Variants in SEMA3C observed in about 807,000 individuals in gnomAD.
SEMA3C encodes the protein semaphorin 3C, also known as semaphorin-3C.
Under a neutral mutation model 89.4 loss-of-function variants are expected in SEMA3C, and 47 were observed. That is an observed-to-expected ratio of 0.53 (90% CI 0.42 to 0.67). The LOEUF is 0.67. Among genes scored for constraint, SEMA3C ranks in the 30% least tolerant of loss-of-function variants. SEMA3C has a pLI of 0.00. For synonymous variants in SEMA3C, 310 were observed against 320.2 expected, an observed-to-expected ratio of 0.97 and a Z score of 0.34; for missense variants, 839 against 929.1, an observed-to-expected ratio of 0.90 and a Z score of 1.26.
chr7:80,912,445 G>C (rs1362228163), intron 2 of SEMA3C, among the ~76,000 whole-genome samples: 3 of 152,090 alleles, frequency 2.0e-5, no homozygotes, highest in African/African-American at 7.2e-5. Flanking sequence ...TTACCTTGCT[G>C]CTTTACAAAT....
intron 5 of SEMA3C, among the ~76,000 whole-genome samples, chr7:80,811,209 T>C (rs1789461544): frequency 6.6e-6 from 1 of 152,208 alleles, no homozygotes; most frequent in African/African-American, 2.4e-5. Context: ...CATTTACTCA[T>C]GACTTTATTT....
chr7:80,805,245 T>C (rs1177970556), intron 7 of SEMA3C, among the ~76,000 whole-genome samples: 1 of 152,242 alleles, frequency 6.6e-6, no homozygotes, highest in African/African-American at 2.4e-5. Context: ...CTCAATGTCA[T>C]ACATTTGGGA....
intron 9 of SEMA3C, among the ~76,000 whole-genome samples, chr7:80,801,085 A>G (rs560203557): frequency 6.6e-6 from 1 of 152,222 alleles, no homozygotes; most frequent in Admixed American, 6.5e-5. Flanking sequence ...GAAAAAGTAC[A>G]ATGATATATT....
At chr7:80,839,814 C>T (rs546350409) in intron 2 of SEMA3C, among the ~76,000 whole-genome samples, 26 of 151,928 alleles carry the variant, frequency 1.7e-4, no homozygotes, top group African/African-American at 5.1e-4. Context: ...ATCTAATAGA[C>T]GCCATTCCCC....
intron 16 of SEMA3C, among the ~76,000 whole-genome samples, chr7:80,750,469 TATATACACACAC>T (rs1237707088): frequency 1.6e-4 from 8 of 50,198 alleles, no homozygotes; most frequent in Non-Finnish European, 3.1e-4. Flanking sequence ...TATATATATA[TATATACACACAC>T]ACACACACAC....
At chr7:80,817,901 T>C (rs1355953441) in intron 5 of SEMA3C, among the ~76,000 whole-genome samples, 2 of 152,158 alleles carry the variant, frequency 1.3e-5, no homozygotes, top group African/African-American at 4.8e-5. Context: ...ACAATATTTC[T>C]ATAATTTGGA....
In SEMA3C at chr7:80,871,442, C is replaced by T. The variant is rs116275512; in HGVS notation, c.104-42697G>A. Reference sequence around the variant, plus strand: ...ACCCTATCCTTCTAAATATAACTCCCATTCAAACATTATGCTAATTTATTG... The same window carrying T: ...ACCCTATCCTTCTAAATATAACTCCTATTCAAACATTATGCTAATTTATTG... On this transcript the variant is annotated intron_variant, in intron 2 of 17. Transcript: ENST00000265361. Among the ~76,000 whole-genome samples, 1,269 of 152,250 alleles carry T rather than the reference C, an allele frequency of 8.3e-3. 20 individuals are homozygous for T. Among genetic ancestry groups the T allele is most frequent in the African/African-American group, 0.029 (1,193 of 41,528 alleles).
chr7:80,846,240 T>C (rs967456020), intron 2 of SEMA3C, among the ~76,000 whole-genome samples: 7 of 152,166 alleles, frequency 4.6e-5, no homozygotes, highest in African/African-American at 1.4e-4. Context: ...TTGATCTTTA[T>C]GCACCTACAA....
intron 2 of SEMA3C, among the ~76,000 whole-genome samples, chr7:80,834,960 A>G (rs1392857619): frequency 6.6e-6 from 1 of 152,038 alleles, no homozygotes; most frequent in African/African-American, 2.4e-5. Flanking sequence ...TTTTCTGAAT[A>G]TTTCTCATCA....
At chr7:80,754,528 T>C (rs1366830302) in intron 15 of SEMA3C, among the ~76,000 whole-genome samples, 9 of 152,036 alleles carry the variant, frequency 5.9e-5, no homozygotes, top group Admixed American at 5.9e-4. Context: ...GAAAAACTCA[T>C]ATGGGAATTT....
chr7:80,869,149 C>T (rs573759291), intron 2 of SEMA3C, among the ~76,000 whole-genome samples: 13 of 152,194 alleles, frequency 8.5e-5, no homozygotes, highest in Admixed American at 4.6e-4. Context: ...AATTTTTAGT[C>T]GCTGGAATGA....
intron 15 of SEMA3C, among the ~76,000 whole-genome samples, chr7:80,756,799 C>T (rs941291032): frequency 2.1e-5 from 3 of 141,034 alleles, no homozygotes; most frequent in Admixed American, 2.0e-4. Flanking sequence ...ACAGTATGTC[C>T]GCAGTAACGC....
At chr7:80,810,467 C>T in intron 6 of SEMA3C, 144 bp downstream of exon 6, 1 of 563,832 alleles carries the variant, frequency 1.8e-6, no homozygotes, top group Non-Finnish European at 3.1e-6. Flanking sequence ...AAACTGAACT[C>T]TCTATTTCTC....
At chr7:80,889,805 T>G (rs1791570408) in intron 2 of SEMA3C, among the ~76,000 whole-genome samples, 1 of 152,202 alleles carries the variant, frequency 6.6e-6, no homozygotes, top group Non-Finnish European at 1.5e-5. Context: ...TAAATTTGTT[T>G]CATCCATGAT....
chr7:80,880,960 G>A (rs1329399714), intron 2 of SEMA3C, among the ~76,000 whole-genome samples: 2 of 151,866 alleles, frequency 1.3e-5, no homozygotes, highest in African/African-American at 4.8e-5. Context: ...AAATCGGATC[G>A]CAGAAAGAAA....
intron 2 of SEMA3C, among the ~76,000 whole-genome samples, chr7:80,865,991 G>A (rs1473991416): frequency 1.3e-5 from 2 of 151,988 alleles, no homozygotes; most frequent in Non-Finnish European, 2.9e-5. Flanking sequence ...TTCTTCTTTT[G>A]TCTATCACTT....
chr7:80,746,902 G>A (rs538036081), intron 17 of SEMA3C, among the ~76,000 whole-genome samples: 8 of 152,128 alleles, frequency 5.3e-5, no homozygotes, highest in Non-Finnish European at 1.2e-4. Context: ...TGAAGTGGAG[G>A]AGGGCTTTCA....
intron 12 of SEMA3C, among the ~76,000 whole-genome samples, chr7:80,766,264 A>G (rs10263595): frequency 0.029 from 4,401 of 152,216 alleles, 243 homozygotes; most frequent in African/African-American, 0.1. Flanking sequence ...CCCACCCCCA[A>G]CCAGTAATGT....
intron 2 of SEMA3C, among the ~76,000 whole-genome samples, chr7:80,863,376 T>C (rs895620459): frequency 1.3e-5 from 2 of 149,024 alleles, no homozygotes; most frequent in Non-Finnish European, 3.0e-5. Flanking sequence ...GGTGTGGATG[T>C]GGTGAACAGG....
Sources: gnomAD v4.1 joint callset for allele counts (sites outside exome capture counted in the v4.1 genomes callset) on GRCh38, gnomAD v4.1.1 for gene constraint, MANE v1.5 for transcripts, NCBI Gene and HGNC (gene_info 2026-07-23, HGNC 2026-07-21) for gene names.